LRRN3: variants seen among roughly 807,000 people sequenced by gnomAD.
The protein encoded by LRRN3 is leucine rich repeat neuronal 3.
In LRRN3, 15 loss-of-function variants were observed where a neutral mutation model predicts 40.1. That is an observed-to-expected ratio of 0.37 (90% confidence interval 0.25 to 0.58). The LOEUF is 0.58. LRRN3 is among the 20% of genes least tolerant of loss of function. The pLI is 0.72. For synonymous variants in LRRN3, 308 were observed against 297.2 expected, an observed-to-expected ratio of 1.04 and a Z score of -0.37; for missense variants, 746 against 837.7, an observed-to-expected ratio of 0.89 and a Z score of 1.35.
chr7:111,124,208 G>T lies in LRRN3; in HGVS notation c.1436G>T (p.Gly479Val), dbSNP rs1224509654. The part of the protein sequence containing the change: ...LTDKFYVHSE[G>V]TLDINGVTPK... ...GACAAGTTCTATGTCCATTCTGAGG[G>T]AACACTAGATATAAATGGCGTAACT... The change falls in exon 3 of 3, where the codon GGA (glycine) becomes GTA (valine). Residue 479 changes from glycine (G) to valine (V), a missense_variant. Physicochemically the swap from Gly to Val is moderately radical, Grantham distance 109 (BLOSUM62 -3). Transcript: ENST00000308478. 6.2e-7 allele frequency: 1 copy of T among 1,613,740 alleles called. No homozygotes were observed. The highest frequency in any genetic ancestry group is 8.5e-7 in the Non-Finnish European group (1 of 1,179,934).
In LRRN3 at chr7:111,123,933, A is replaced by G. The variant is rs1800966326; in HGVS notation, c.1161A>G (p.Arg387=). Residue 387 remains arginine (R), a synonymous_variant, in exon 3 of 3, where the codon CGA becomes CGG. Coordinates refer to ENST00000308478, the MANE Select transcript of LRRN3 (RefSeq NM_001099658.2). This position sits in a 1 kb window ranked among gnomAD's most constrained non-coding sequence, Gnocchi z 6.4. ...TGAACATGAACAAAACCAACATTCG[A>G]TTCATGGAGCCAGATTCACTGTTTT... The part of the protein sequence containing the change: ...RWMNMNKTNI[R]FMEPDSLFCV... The G allele has an allele frequency of 6.2e-7, 1 of 1,613,996 alleles. No individual in the cohort carries two copies. The highest frequency in any genetic ancestry group is 1.3e-5 in the African/African-American group (1 of 75,032).
rs201320433 is a variant in LRRN3 at position 111,122,768 on chromosome 7, C to T, written c.-5C>T. The stretch of plus-strand genomic sequence containing the variant: ...CCCATTACATTTCTGAAGAAGAAAG[C>T]TAAGATGAAGGACATGCCACTCCGA... On this transcript the variant is annotated 5_prime_UTR_variant, in exon 3 of 3. Coordinates refer to ENST00000308478, the MANE Select transcript of LRRN3 (RefSeq NM_001099658.2). The T allele has an allele frequency of 6.2e-7, 1 of 1,605,916 alleles. No homozygotes were observed. Among genetic ancestry groups the T allele is most frequent in the African/African-American group, 1.3e-5 (1 of 74,762 alleles).
rs760533901 is a variant in LRRN3 at position 111,124,227 on chromosome 7, C to T, written c.1455C>T (p.Gly485=). 9.3e-6 allele frequency: 15 copies of T among 1,613,736 alleles called. No homozygotes were observed. Among genetic ancestry groups the T allele is most frequent in the African/African-American group, 1.3e-5 (1 of 74,872 alleles). The stretch of plus-strand genomic sequence containing the variant: ...CTGAGGGAACACTAGATATAAATGG[C>T]GTAACTCCCAAAGAAGGGGGTTTAT... The part of the protein sequence containing the change: ...VHSEGTLDIN[G]VTPKEGGLYT... The change falls in exon 3 of 3, where the codon GGC becomes GGT. Residue 485 remains glycine (G), a synonymous_variant. Transcript: ENST00000308478.
chr7:111,106,499 C>T (rs1798562168), intron 2 of LRRN3, among the ~76,000 whole-genome samples: 1 of 151,742 alleles, frequency 6.6e-6, no homozygotes, highest in Non-Finnish European at 1.5e-5. Context: ...GATATGTCTT[C>T]TACCATCACC....
chr7:111,115,631 T>G (rs999000987), intron 2 of LRRN3, among the ~76,000 whole-genome samples: 5 of 151,712 alleles, frequency 3.3e-5, no homozygotes, highest in African/African-American at 1.2e-4. Context: ...GGTGAGACAT[T>G]TGCAATTATT....
chr7:111,122,653 A>G lies in LRRN3; in HGVS notation c.-120A>G. 1 of 778,376 alleles carries G rather than the reference A, an allele frequency of 1.3e-6. No homozygotes were observed. Among genetic ancestry groups the G allele is most frequent in the Non-Finnish European group, 2.1e-6 (1 of 477,926 alleles). The allele number at this position is 778,376 out of a possible 1,614,324, so 48.2% of individuals were successfully genotyped here. A position where few individuals can be genotyped will look rare whatever the true frequency, so the allele number is the denominator to read the frequency against. ...CAGTGAAGAAAAACTTTGTGGTTCT[A>G]TGGCATTCATCATTTGACAAATGCA... is the stretch of plus-strand genomic sequence containing the variant. On this transcript the variant is annotated 5_prime_UTR_variant, in exon 3 of 3. The change abolishes an upstream ATG in the 5' untranslated region. Coordinates refer to ENST00000308478, the MANE Select transcript of LRRN3 (RefSeq NM_001099658.2).
intron 2 of LRRN3, among the ~76,000 whole-genome samples, chr7:111,105,149 TA>T (rs1798404218): frequency 6.6e-6 from 1 of 151,810 alleles, no homozygotes. Flanking sequence ...TGTTTTCAAA[TA>T]AAATAACCAC....
rs985446732 is a variant in LRRN3, at chr7:111,091,253, G to C, written c.-692G>C. The C allele has an allele frequency of 6.6e-6, 1 of 152,178 alleles. No individual in the cohort carries two copies. The highest frequency in any genetic ancestry group is 1.5e-5 in the Non-Finnish European group (1 of 68,030). The allele number at this position is 152,178 out of a possible 1,614,324, so 9.4% of individuals were successfully genotyped here. On this transcript the variant is annotated 5_prime_UTR_variant, in exon 1 of 3. Transcript: ENST00000308478. ...GCCTCAGCCTGCCGACTGAGAAAAA[G>C]AGTTCCAGGAAAAAGAAGGAATCCC...
At chr7:111,120,165 A>G (rs1800416846) in intron 2 of LRRN3, among the ~76,000 whole-genome samples, 1 of 152,170 alleles carries the variant, frequency 6.6e-6, no homozygotes, top group African/African-American at 2.4e-5. Context: ...ACTGGTATAG[A>G]TTTAAAAGAA....
At chr7:111,103,493 A>C (rs1798206309) in intron 2 of LRRN3, among the ~76,000 whole-genome samples, 1 of 151,674 alleles carries the variant, frequency 6.6e-6, no homozygotes, top group Non-Finnish European at 1.5e-5. Context: ...TTTTAGAATT[A>C]TTTTCACAGA....
intron 2 of LRRN3, among the ~76,000 whole-genome samples, chr7:111,105,812 A>T (rs1208975633): frequency 6.6e-6 from 1 of 151,958 alleles, no homozygotes; most frequent in Admixed American, 6.6e-5. Context: ...GCCTATATCT[A>T]GTCACATGAA....
intron 2 of LRRN3, among the ~76,000 whole-genome samples, chr7:111,113,859 T>G (rs1799529203): frequency 6.6e-6 from 1 of 152,086 alleles, no homozygotes. Context: ...CCACACTAAC[T>G]TCTCAAATAA....
At chr7:111,100,978 C>T (rs967083382) in intron 2 of LRRN3, among the ~76,000 whole-genome samples, 1 of 151,334 alleles carries the variant, frequency 6.6e-6, no homozygotes, top group Admixed American at 6.6e-5. Flanking sequence ...AGATGATGAA[C>T]ATTTATAAGT....
chr7:111,115,159 G>A (rs214872), intron 2 of LRRN3, among the ~76,000 whole-genome samples: 13,346 of 152,096 alleles, frequency 0.088, 1,304 homozygotes, highest in African/African-American at 0.24. Context: ...AGGTTAAAAA[G>A]GCAAATCAGG....
chr7:111,117,747 T>A (rs925353853), intron 2 of LRRN3, among the ~76,000 whole-genome samples: 1 of 152,098 alleles, frequency 6.6e-6, no homozygotes. Flanking sequence ...AAGTTCTTTA[T>A]ACAAATGAAC....
chr7:111,102,699 T>C (rs1231891445), intron 2 of LRRN3, among the ~76,000 whole-genome samples: 1 of 151,516 alleles, frequency 6.6e-6, no homozygotes, highest in Non-Finnish European at 1.5e-5. Flanking sequence ...ATCTAAAAAA[T>C]AAATAGAATA....
intron 2 of LRRN3, among the ~76,000 whole-genome samples, chr7:111,101,727 G>A (rs1798001248): frequency 6.6e-6 from 1 of 151,426 alleles, no homozygotes; most frequent in Non-Finnish European, 1.5e-5. Flanking sequence ...AGCTAAATGA[G>A]TTAGGGGTTT....
At position 111,124,864 on chromosome 7, in the gene LRRN3, G is replaced by A. The variant is rs1303450584; in HGVS notation, c.2092G>A (p.Ala698Thr). The A allele has an allele frequency of 3.1e-6, 5 of 1,608,238 alleles. No homozygotes were observed. Among genetic ancestry groups the A allele is most frequent in the Non-Finnish European group, 3.4e-6 (4 of 1,179,036 alleles). ...KEKSTSLKVK[A>T]TVIGLPTNMS ...AAAAAGTACATCACTGAAAGTAAAA[G>A]CAACTGTTATAGGTTTACCAACAAA... The change falls in exon 3 of 3, where the codon GCA becomes ACA. Residue 698 changes from alanine (A) to threonine (T), a missense_variant. By Grantham distance (58) the Ala-to-Thr change is moderately conservative. Transcript: ENST00000308478.
At chr7:111,108,700 CA>C (rs1048434366) in intron 2 of LRRN3, among the ~76,000 whole-genome samples, 2 of 152,014 alleles carry the variant, frequency 1.3e-5, no homozygotes, top group Non-Finnish European at 2.9e-5. Flanking sequence ...TTAAAAAAAA[CA>C]TATTTATTTC....
Sources: allele counts gnomAD v4.1 joint callset (sites outside exome capture counted in the v4.1 genomes callset), GRCh38; gene constraint gnomAD v4.1.1; non-coding constraint Gnocchi (gnomAD v3.1); transcripts MANE v1.5; gene names NCBI Gene and HGNC (gene_info 2026-07-23, HGNC 2026-07-21).